OR2V2: variants seen among roughly 807,000 people sequenced by gnomAD.
The protein encoded by OR2V2 is olfactory receptor 2V2.
For synonymous variants in OR2V2, 161 were observed against 151.3 expected, an observed-to-expected ratio of 1.06 and a Z score of -0.47; for missense variants, 392 against 392.2, an observed-to-expected ratio of 1.00 and a Z score of 0.00.
rs1026468871 is a variant in OR2V2 at position 181,154,991 on chromosome 5, G to A, written c.49G>A (p.Gly17Ser). ...QSYTDGFFLL[G>S]IFSHSTADLV... ...CTACACAGATGGCTTCTTCCTCTTAGGCATCTTCTCCCACAGTACTGCTGA... is the reference window on the plus strand; with the variant it reads ...CTACACAGATGGCTTCTTCCTCTTAAGCATCTTCTCCCACAGTACTGCTGA... Residue 17 changes from glycine (G) to serine (S), a missense_variant, in exon 2 of 2, where the codon GGC becomes AGC. Coordinates refer to ENST00000641492, the MANE Select transcript of OR2V2 (RefSeq NM_206880.2). 6.2e-7 allele frequency: 1 copy of A among 1,614,186 alleles called. No individual in the cohort carries two copies. The highest frequency in any genetic ancestry group is 8.5e-7 in the Non-Finnish European group (1 of 1,180,032).
At chr5:181,150,791 C>T (rs1180322779) in intron 1 of OR2V2, among the ~76,000 whole-genome samples, 3 of 152,090 alleles carry the variant, frequency 2.0e-5, no homozygotes, top group Non-Finnish European at 4.4e-5. Flanking sequence ...GCCTGGGAAA[C>T]ATAAGGAGAC....
chr5:181,148,048 T>TC (rs1763146153), intron 1 of OR2V2, 53 bp downstream of exon 1: 1 of 399,214 alleles, frequency 2.5e-6, no homozygotes, highest in Non-Finnish European at 4.4e-6. Context: ...CAGCTCCTGC[T>TC]CCCGTTGCTG....
At position 181,156,526 on chromosome 5, in the gene OR2V2, GA is replaced by G. The variant is rs1763269687; in HGVS notation, c.*639del. 6.6e-6 allele frequency: 1 copy of G among 152,250 alleles called. No homozygotes were observed. The highest frequency in any genetic ancestry group is 2.4e-5 in the African/African-American group (1 of 41,462). The allele number at this position is 152,250 out of a possible 1,614,324, so 9.4% of individuals were successfully genotyped here. ...GGACATTGTAAATCAGCACTGTGCAGAAATAAGACATTGGGATTGCTGTCAC... is the reference window on the plus strand; with the variant it reads ...GGACATTGTAAATCAGCACTGTGCAGAATAAGACATTGGGATTGCTGTCAC... On this transcript the variant is annotated 3_prime_UTR_variant, in exon 2 of 2. Coordinates refer to ENST00000641492, the MANE Select transcript of OR2V2 (RefSeq NM_206880.2).
At chr5:181,149,871 G>T (rs1763171546) in intron 1 of OR2V2, among the ~76,000 whole-genome samples, 1 of 152,242 alleles carries the variant, frequency 6.6e-6, no homozygotes, top group Non-Finnish European at 1.5e-5. Flanking sequence ...GGAGTGAAAG[G>T]AAGAGAGAGA....
In OR2V2 at chr5:181,155,532, A is replaced by G. The variant is rs561264667; in HGVS notation, c.590A>G (p.Glu197Gly). 6.2e-7 allele frequency: 1 copy of G among 1,614,120 alleles called. No individual in the cohort carries two copies. The highest frequency in any genetic ancestry group is 1.1e-5 in the South Asian group (1 of 91,078). The change falls in exon 2 of 2, where the codon GAG becomes GGG. Residue 197 changes from glutamate to glycine, a missense_variant. Coordinates refer to ENST00000641492, the MANE Select transcript of OR2V2 (RefSeq NM_206880.2). ...KLACVDTSLF[E>G]KVIFACCVFM... ...GCCTGTGTAGACACATCCCTGTTTG[A>G]GAAGGTGATATTTGCTTGCTGTGTC...
In OR2V2 at chr5:181,155,861, G is replaced by A; in HGVS notation, c.919G>A (p.Asp307Asn). 1 of 1,614,002 alleles carries A rather than the reference G, an allele frequency of 6.2e-7. No individual in the cohort carries two copies. Among genetic ancestry groups the A allele is most frequent in the Non-Finnish European group, 8.5e-7 (1 of 1,179,912 alleles). The part of the protein sequence containing the change: ...EVMGALRKGL[D>N]RCRIGSQH The stretch of plus-strand genomic sequence containing the variant: ...GATGGGGGCACTGAGGAAGGGGCTG[G>A]ACCGCTGCAGGATCGGCAGCCAGCA... The change falls in exon 2 of 2, where the codon GAC becomes AAC. Residue 307 changes from aspartate to asparagine, a missense_variant. Coordinates refer to ENST00000641492, the MANE Select transcript of OR2V2 (RefSeq NM_206880.2).
chr5:181,153,643 AC>A (rs1004074880), intron 1 of OR2V2, among the ~76,000 whole-genome samples: 5 of 152,188 alleles, frequency 3.3e-5, no homozygotes, highest in African/African-American at 1.2e-4. Flanking sequence ...ACACCACTGC[AC>A]CCCAGCCTGG....
Position 181,154,909 on chromosome 5 carries a change from A to G in OR2V2, c.-24-10A>G. 2 of 1,421,466 alleles carry G rather than the reference A, an allele frequency of 1.4e-6. No individual in the cohort carries two copies. The highest frequency in any genetic ancestry group is 1.4e-5 in the African/African-American group (1 of 71,118). The allele number at this position is 1,421,466 out of a possible 1,614,324, so 88.1% of individuals were successfully genotyped here. On this transcript the variant is annotated splice_polypyrimidine_tract_variant and intron_variant, in intron 1 of 1. Transcript: ENST00000641492. ...TCAGTCAATGTAACACATCTTGTCC[A>G]TATTCTCAGGTGACCAGGAGCAACA...
intron 1 of OR2V2, among the ~76,000 whole-genome samples, chr5:181,151,602 A>G (rs1763191291): frequency 6.6e-6 from 1 of 152,108 alleles, no homozygotes; most frequent in Non-Finnish European, 1.5e-5. Flanking sequence ...AGATGAGAGG[A>G]GGGGACATGA....
rs1324371346 is a variant in OR2V2 at position 181,155,828 on chromosome 5, A to G, written c.886A>G (p.Arg296Gly). The change falls in exon 2 of 2, where the codon AGG becomes GGG. Residue 296 changes from arginine (R) to glycine (G), a missense_variant. Transcript: ENST00000641492. ...CCCCCTCATTTACAGCTTGAGGAAC[A>G]GGGAGGTGATGGGGGCACTGAGGAA... ...LNPLIYSLRNREVMGALRKGL... is the reference protein window; with the variant it reads ...LNPLIYSLRNGEVMGALRKGL... The G allele has an allele frequency of 1.2e-6, 2 of 1,614,156 alleles. No homozygotes were observed. The highest frequency in any genetic ancestry group is 1.7e-5 in the Admixed American group (1 of 60,022).
rs540192624 is a variant in OR2V2, at chr5:181,152,567, C to T, written c.-24-2352C>T. Reference sequence around the variant, plus strand: ...GAGTTGGTTAGTGTAAACACAATTCCCCAACCCTAGAGGAAAATCAGCATT... The same window carrying T: ...GAGTTGGTTAGTGTAAACACAATTCTCCAACCCTAGAGGAAAATCAGCATT... On this transcript the variant is annotated intron_variant, in intron 1 of 1. Coordinates refer to ENST00000641492, the MANE Select transcript of OR2V2 (RefSeq NM_206880.2). Among the ~76,000 whole-genome samples the T allele has an allele frequency of 3.3e-5, 5 of 152,290 alleles. No homozygotes were observed. In the East Asian group the frequency reaches 9.6e-4, roughly 29 times the overall value.
rs769833872 is a variant in OR2V2, at chr5:181,155,395, C to T, written c.453C>T (p.Ala151=). The change falls in exon 2 of 2, where the codon GCC becomes GCT. Residue 151 remains alanine (A), a synonymous_variant. Coordinates refer to ENST00000641492, the MANE Select transcript of OR2V2 (RefSeq NM_206880.2). Reference sequence around the variant, plus strand: ...TCCAGATTACTGGGAGCTCCTGGGCCTTTGGGATAATCGATGGCTTGATCC... The same window carrying T: ...TCCAGATTACTGGGAGCTCCTGGGCTTTTGGGATAATCGATGGCTTGATCC... ...VCLQITGSSW[A]FGIIDGLIQM... is the part of the protein sequence containing the mutation. 2 of 1,614,202 alleles carry T rather than the reference C, an allele frequency of 1.2e-6. No homozygotes were observed. The highest frequency in any genetic ancestry group is 1.7e-6 in the Non-Finnish European group (2 of 1,180,044).
chr5:181,147,933 T>C lies in OR2V2; in HGVS notation c.-87T>C, dbSNP rs2546443. On this transcript the variant is annotated 5_prime_UTR_variant, in exon 1 of 2. An upstream start codon of the reference 5' UTR is lost. Coordinates refer to ENST00000641492, the MANE Select transcript of OR2V2 (RefSeq NM_206880.2). ...CAGGAGGATGAGTGCATGGCTCTGA[T>C]GCTAGGAACTCCTCCACAGGTGACT... The C allele has an allele frequency of 0.32, 127,342 of 394,654 alleles. 27,129 individuals are homozygous for C. Among genetic ancestry groups the C allele is most frequent in the African/African-American group, 0.79 (36,987 of 46,908 alleles). The allele number at this position is 394,654 out of a possible 1,614,324, so 24.4% of individuals were successfully genotyped here. A position where few individuals can be genotyped will look rare whatever the true frequency, so the allele number is the denominator to read the frequency against.
intron 1 of OR2V2, among the ~76,000 whole-genome samples, chr5:181,151,779 C>T (rs762044529): frequency 7.9e-5 from 12 of 151,956 alleles, no homozygotes; most frequent in South Asian, 4.2e-4. Flanking sequence ...GAGGCTGACG[C>T]GGAAAGATCA....
At chr5:181,154,761 C>A (rs2546424) in intron 1 of OR2V2, among the ~76,000 whole-genome samples, 158 bp from the exon 2 acceptor site, 1 of 151,974 alleles carries the variant, frequency 6.6e-6, no homozygotes, top group African/African-American at 2.4e-5. Context: ...GGGCCCCCAC[C>A]GCTGTGTTAG....
At chr5:181,148,643 G>A (rs993232423) in intron 1 of OR2V2, among the ~76,000 whole-genome samples, 5 of 152,270 alleles carry the variant, frequency 3.3e-5, no homozygotes, top group Admixed American at 2.0e-4. Context: ...ATCCCCCCAC[G>A]AGCACCAGAC....
At chr5:181,150,277 T>G (rs1315691781) in intron 1 of OR2V2, among the ~76,000 whole-genome samples, 1 of 152,234 alleles carries the variant, frequency 6.6e-6, no homozygotes, top group Non-Finnish European at 1.5e-5. Context: ...AGGACATTAC[T>G]CCAGCTCTTT....
Position 181,156,114 on chromosome 5 carries a change from T to TCC in OR2V2, c.*224_*225insCC. 2.5e-6 allele frequency: 1 copy of TCC among 407,914 alleles called. No homozygotes were observed. 25.3% of individuals were successfully genotyped at this position (407,914 alleles called of 1,614,324 possible). On this transcript the variant is annotated 3_prime_UTR_variant, in exon 2 of 2. Transcript: ENST00000641492. ...TCTTTCTTTCTCTTCCTCTTTCTCT[T>TCC]TCTTTCTTTTTCTTTCAGTTCTTAC...
chr5:181,148,498 A>C (rs1763154039), intron 1 of OR2V2, among the ~76,000 whole-genome samples: 1 of 152,250 alleles, frequency 6.6e-6, no homozygotes, highest in South Asian at 2.1e-4. Flanking sequence ...GAAAGGTCTG[A>C]AGTTAGAGAG....
Sources: allele counts gnomAD v4.1 joint callset (sites outside exome capture counted in the v4.1 genomes callset), GRCh38; gene constraint gnomAD v4.1.1; transcripts MANE v1.5; gene names NCBI Gene and HGNC (gene_info 2026-07-23, HGNC 2026-07-21).